The following CDK14 variants were observed in gnomAD, a reference collection of about 807,000 sequenced individuals.
CDK14 encodes the protein cyclin dependent kinase 14, also known as cyclin-dependent kinase 14.
Under a neutral mutation model 60.7 loss-of-function variants are expected in CDK14, and 34 were observed. The ratio of observed to expected loss-of-function variants is 0.56; its 90% CI spans 0.43 to 0.75. The LOEUF (loss-of-function observed/expected upper bound fraction) is 0.75, where lower values mean the gene tolerates loss of function less well. Ranked by LOEUF, CDK14 falls within the 30% of genes least tolerant of loss-of-function variation. CDK14 has a pLI of 0.00. For synonymous variants in CDK14, 197 were observed against 203.7 expected, an observed-to-expected ratio of 0.97 and a Z score of 0.28; for missense variants, 482 against 564.1, an observed-to-expected ratio of 0.85 and a Z score of 1.47.
At chr7:90,828,922 G>A (rs1355330487) in intron 5 of CDK14, among the ~76,000 whole-genome samples, 1 of 152,112 alleles carries the variant, frequency 6.6e-6, no homozygotes, top group Non-Finnish European at 1.5e-5. Flanking sequence ...ACTGGAGATT[G>A]GGCAATTTAT....
In CDK14 at chr7:90,790,114, G is replaced by T. The variant is rs1409656705; in HGVS notation, c.465-459G>T. 2.4e-3 allele frequency among the ~76,000 whole-genome samples: 304 copies of T among 125,690 alleles called. 2 individuals are homozygous for T. In the Middle Eastern group the frequency reaches 0.029, roughly 12 times the overall value. 82.5% of individuals were successfully genotyped at this position (125,690 alleles called of 152,430 possible). ...GGGAATTTTTTCCTTTTTTTTTTTT[G>T]AGAGAGAGAGAAGAATGTCAAGTTT... On this transcript the variant is annotated intron_variant, in intron 4 of 14. Transcript: ENST00000380050.
intron 10 of CDK14, among the ~76,000 whole-genome samples, chr7:91,034,945 T>TACACACACACACACACAC (rs35003949): frequency 2.1e-5 from 3 of 145,982 alleles, no homozygotes; most frequent in East Asian, 2.0e-4. Flanking sequence ...CACATACACA[T>TACACACACACACACACAC]ACACACACAC....
chr7:90,686,984 G>T (rs1185246130), intron 2 of CDK14, among the ~76,000 whole-genome samples: 1 of 151,962 alleles, frequency 6.6e-6, no homozygotes, highest in African/African-American at 2.4e-5. Flanking sequence ...AGGAATAAAA[G>T]ACTTAAAAAC....
chr7:90,635,924 G>C (rs943734174), intron 2 of CDK14, among the ~76,000 whole-genome samples: 1 of 151,870 alleles, frequency 6.6e-6, no homozygotes, highest in Non-Finnish European at 1.5e-5. Context: ...CTCATGATTT[G>C]GCTCTCTGTT....
intron 9 of CDK14, among the ~76,000 whole-genome samples, chr7:90,970,360 G>A (rs887095076): frequency 1.3e-5 from 2 of 152,180 alleles, no homozygotes; most frequent in African/African-American, 4.8e-5. Flanking sequence ...GTTTTACTGT[G>A]TTCTTTGCCA....
intron 9 of CDK14, chr7:90,979,520 C>A (rs1010541657): frequency 1.3e-5 from 2 of 152,154 alleles, no homozygotes; most frequent in Non-Finnish European, 2.9e-5. Context: ...AAATGGAATA[C>A]GTTATAATTA....
chr7:90,635,224 C>A (rs924074390), intron 2 of CDK14, among the ~76,000 whole-genome samples: 43 of 152,202 alleles, frequency 2.8e-4, no homozygotes, highest in Non-Finnish European at 4.3e-4. Context: ...TATGTCCTGA[C>A]TGGTAATGCC....
At chr7:90,880,923 A>C (rs765611921) in intron 6 of CDK14, among the ~76,000 whole-genome samples, 7 of 152,178 alleles carry the variant, frequency 4.6e-5, no homozygotes, top group Non-Finnish European at 8.8e-5. Context: ...TCTCCACAAA[A>C]ACCCCATTCA....
At chr7:90,664,413 A>G (rs1443684231) in intron 2 of CDK14, among the ~76,000 whole-genome samples, 1 of 152,170 alleles carries the variant, frequency 6.6e-6, no homozygotes. Context: ...TAGAAATACC[A>G]TTTGACCCAG....
At chr7:90,744,581 G>T (rs1803500043) in intron 3 of CDK14, among the ~76,000 whole-genome samples, 1 of 150,648 alleles carries the variant, frequency 6.6e-6, no homozygotes, top group Admixed American at 6.6e-5. Context: ...TTCCCAGTAG[G>T]GGCGGCCGGG....
At chr7:90,724,280 A>G (rs1007113837) in intron 2 of CDK14, among the ~76,000 whole-genome samples, 51 of 151,678 alleles carry the variant, frequency 3.4e-4, no homozygotes, top group African/African-American at 1.2e-3. Flanking sequence ...CCCATTCCTG[A>G]TAGTAATATT....
At chr7:90,814,855 T>C (rs182937443) in intron 5 of CDK14, among the ~76,000 whole-genome samples, 15 of 152,330 alleles carry the variant, frequency 9.8e-5, no homozygotes, top group Admixed American at 7.8e-4. Flanking sequence ...AGCTGAACTT[T>C]TATGATTCCA....
intron 10 of CDK14, among the ~76,000 whole-genome samples, chr7:90,995,702 C>G (rs1795662762): frequency 6.6e-6 from 1 of 152,130 alleles, no homozygotes; most frequent in South Asian, 2.1e-4. Context: ...AGACTAAATG[C>G]CAAATCTGCT....
At chr7:90,949,332 C>A (rs564609549) in intron 8 of CDK14, among the ~76,000 whole-genome samples, 4 of 152,008 alleles carry the variant, frequency 2.6e-5, no homozygotes, top group African/African-American at 9.6e-5. Flanking sequence ...TCCTGAGTAG[C>A]TGGGTTTACA....
chr7:90,764,226 G>A (rs1804444955), intron 4 of CDK14, among the ~76,000 whole-genome samples: 1 of 152,162 alleles, frequency 6.6e-6, no homozygotes, highest in Non-Finnish European at 1.5e-5. Context: ...GAAAGGTCTG[G>A]CAATTAGACA....
intron 4 of CDK14, among the ~76,000 whole-genome samples, chr7:90,764,640 T>C (rs1207495582): frequency 3.3e-5 from 5 of 152,206 alleles, no homozygotes; most frequent in Non-Finnish European, 7.3e-5. Flanking sequence ...GGAAATTATT[T>C]TAAAGATTTC....
intron 10 of CDK14, among the ~76,000 whole-genome samples, chr7:91,005,062 G>A (rs552906185): frequency 6.6e-6 from 1 of 152,278 alleles, no homozygotes; most frequent in East Asian, 1.9e-4. Flanking sequence ...GTTACCCTGG[G>A]CCAGATCTGG....
At chr7:90,808,837 C>G (rs970707209) in intron 5 of CDK14, among the ~76,000 whole-genome samples, 11 of 152,068 alleles carry the variant, frequency 7.2e-5, no homozygotes, top group Admixed American at 2.0e-4. Flanking sequence ...ATAAGACAGA[C>G]TTTAAACCAA....
At chr7:90,878,796 A>G (rs1170921628) in intron 6 of CDK14, among the ~76,000 whole-genome samples, 1 of 152,158 alleles carries the variant, frequency 6.6e-6, no homozygotes, top group Non-Finnish European at 1.5e-5. Context: ...TTAAAAAAAG[A>G]GAGAAGTAAT....
Sources: gnomAD v4.1 joint callset for allele counts (sites outside exome capture counted in the v4.1 genomes callset) on GRCh38, gnomAD v4.1.1 for gene constraint, MANE v1.5 for transcripts, NCBI Gene and HGNC (gene_info 2026-07-23, HGNC 2026-07-21) for gene names.